CRAT: variants seen among roughly 807,000 people sequenced by gnomAD.
The protein encoded by CRAT is carnitine acetylase.
In CRAT, 66 loss-of-function variants were observed where a neutral mutation model predicts 73.7. The ratio of observed to expected loss-of-function variants is 0.90; its 90% confidence interval spans 0.73 to 1.10. CRAT has a LOEUF of 1.10. Among genes scored for constraint, CRAT ranks in the 50% least tolerant of loss-of-function variants. The pLI is 0.00. For missense variants in CRAT, 745 were observed against 846.9 expected, an observed-to-expected ratio of 0.88 and a Z score of 1.49; for synonymous variants, 321 against 343.2, an observed-to-expected ratio of 0.94 and a Z score of 0.71.
chr9:129,097,866 T>C, intron 11 of CRAT, 147 bp downstream of exon 11: 1 of 1,192,936 alleles, frequency 8.4e-7, no homozygotes, highest in South Asian at 1.5e-5. Context: ...AGCTCAGAGC[T>C]AGATTCACGG....
rs1357605729 is a variant in CRAT, at chr9:129,107,459, G to A, written c.291+355C>T. On this transcript the variant is annotated intron_variant, in intron 2 of 13. Coordinates refer to ENST00000318080, the MANE Select transcript of CRAT (RefSeq NM_000755.5). The surrounding 1 kb of genome is among the most constrained non-coding windows in gnomAD (Gnocchi z 5.0). ...GATCAGATACAGAACCTGGGCGATC[G>A]GTCACTGAGTGACACATATCCCCTG... 16 of 597,804 alleles carry A rather than the reference G, an allele frequency of 2.7e-5. No homozygotes were observed. Among genetic ancestry groups the A allele is most frequent in the South Asian group, 1.2e-4 (6 of 49,974 alleles). The allele number at this position is 597,804 out of a possible 1,614,324, so 37.0% of individuals were successfully genotyped here. A position where few individuals can be genotyped will look rare whatever the true frequency, so the allele number is the denominator to read the frequency against.
intron 1 of CRAT, chr9:129,109,082 G>A: frequency 7.8e-7 from 1 of 1,279,322 alleles, no homozygotes; most frequent in Non-Finnish European, 1.0e-6. Context: ...CTAGTGGGGG[G>A]GCATTCCAGT....
chr9:129,095,079 G>A lies in CRAT; in HGVS notation c.*318C>T, dbSNP rs1170136006. 2.4e-6 allele frequency: 1 copy of A among 409,670 alleles called. No individual in the cohort carries two copies. Among genetic ancestry groups the A allele is most frequent in the Non-Finnish European group, 4.5e-6 (1 of 222,112 alleles). 25.4% of individuals were successfully genotyped at this position (409,670 alleles called of 1,614,324 possible). ...CTGGTGAGACAAAGAGCTCTTGCCAGTCTCCTGCTCTGGAGGGCTGGTTCC... is the reference window on the plus strand; with the variant it reads ...CTGGTGAGACAAAGAGCTCTTGCCAATCTCCTGCTCTGGAGGGCTGGTTCC... On this transcript the variant is annotated 3_prime_UTR_variant, in exon 14 of 14. Transcript: ENST00000318080.
intron 5 of CRAT, 113 bp from the exon 6 acceptor site, chr9:129,102,170 C>T: frequency 7.6e-7 from 1 of 1,320,694 alleles, no homozygotes; most frequent in Non-Finnish European, 1.0e-6. Context: ...GGGATGGAGT[C>T]AGGCCAAGGG....
intron 1 of CRAT, chr9:129,108,866 G>A (rs1011045764): frequency 3.1e-6 from 4 of 1,303,198 alleles, no homozygotes; most frequent in Non-Finnish European, 4.0e-6. Flanking sequence ...TACAAAGTGA[G>A]TGAGCAGAAC....
chr9:129,100,046 CAAGGG>C, intron 7 of CRAT, 80 bp from the exon 8 acceptor site: 1 of 1,100,180 alleles, frequency 9.1e-7, no homozygotes, highest in Non-Finnish European at 1.4e-6. Context: ...TTGGTTGAGG[CAAGGG>C]CCTCTCTGAA....
In CRAT at chr9:129,095,431, G is replaced by T. The variant is rs759666546; in HGVS notation, c.1847C>A (p.Ala616Asp). The change falls in exon 14 of 14, where the codon GCC (alanine) becomes GAC (aspartate). Residue 616 changes from alanine (A) to aspartate (D), a missense_variant. Coordinates refer to ENST00000318080, the MANE Select transcript of CRAT (RefSeq NM_000755.5). ...YLEKALLDMR[A>D]LLQSHPRAKL is the part of the protein sequence containing the mutation. The stretch of plus-strand genomic sequence containing the variant: ...GGCCCGGGGGTGGCTCTGCAGCAGG[G>T]CACGCATGTCCAGGAGCGCCTTCTC... 2 of 1,612,678 alleles carry T rather than the reference G, an allele frequency of 1.2e-6. No individual in the cohort carries two copies. Among genetic ancestry groups the T allele is most frequent in the Non-Finnish European group, 1.7e-6 (2 of 1,179,984 alleles).
rs758641132 is a variant in CRAT, at chr9:129,107,847, C to T, written c.258G>A (p.Gly86=). ...CCGTCTTCCTGGCCCGACGCTCCAG[C>T]CCCTTCTGCAGGCGCTCCCCTACAC... ...SGGVGERLQK[G]LERRARKTEN... is the part of the protein sequence containing the mutation. Residue 86 remains glycine, a synonymous_variant, in exon 2 of 14, where the codon GGG becomes GGA. Coordinates refer to ENST00000318080, the MANE Select transcript of CRAT (RefSeq NM_000755.5). The surrounding 1 kb of genome is among the most constrained non-coding windows in gnomAD (Gnocchi z 5.0). The T allele has an allele frequency of 1.2e-6, 2 of 1,612,800 alleles. No individual in the cohort carries two copies. Among genetic ancestry groups the T allele is most frequent in the African/African-American group, 1.3e-5 (1 of 74,924 alleles).
intron 13 of CRAT, 126 bp downstream of exon 13, chr9:129,095,872 G>A (rs1402957818): frequency 7.3e-7 from 1 of 1,367,606 alleles, no homozygotes; most frequent in East Asian, 2.3e-5. Flanking sequence ...AGAGGCCCCT[G>A]CCCCCAGCTC....
chr9:129,096,342 A>G (rs1287108486), intron 12 of CRAT, among the ~76,000 whole-genome samples: 5 of 152,252 alleles, frequency 3.3e-5, no homozygotes, highest in Admixed American at 2.6e-4. Context: ...GGGAGGCAGG[A>G]AAGTGCAGGG....
chr9:129,106,285 G>T lies in CRAT; in HGVS notation c.291+1529C>A, dbSNP rs991748257. Reference sequence around the variant, plus strand: ...CCTTGAGAGCTGCTGTGTGGCTCTGGGCTTTTGGGCCACCTCTCTGGGCCT... The same window carrying T: ...CCTTGAGAGCTGCTGTGTGGCTCTGTGCTTTTGGGCCACCTCTCTGGGCCT... On this transcript the variant is annotated intron_variant, in intron 2 of 13. Transcript: ENST00000318080. This position sits in a 1 kb window ranked among gnomAD's most constrained non-coding sequence, Gnocchi z 4.0. Among the ~76,000 whole-genome samples the T allele has an allele frequency of 6.6e-6, 1 of 152,156 alleles. No individual in the cohort carries two copies. The highest frequency in any genetic ancestry group is 2.4e-5 in the African/African-American group (1 of 41,432).
Position 129,110,428 on chromosome 9 carries a change from G to A in CRAT, c.27+55C>T, listed in dbSNP as rs550075583. 958 of 1,505,270 alleles carry A rather than the reference G, an allele frequency of 6.4e-4. 9 individuals carry two copies. The African/African-American group carries it at 0.012, about 19-fold the overall frequency. 93.2% of individuals were successfully genotyped at this position (1,505,270 alleles called of 1,614,324 possible). On this transcript the variant is annotated intron_variant, in intron 1 of 13. Coordinates refer to ENST00000318080, the MANE Select transcript of CRAT (RefSeq NM_000755.5). This position sits in a 1 kb window ranked among gnomAD's most constrained non-coding sequence, Gnocchi z 5.3. ...GCGGTCTCCGTTCCCGGACGCAACC[G>A]CACGGCCCGCCCAGGCCGTCCAGGG...
At chr9:129,102,133 T>A in intron 5 of CRAT, 76 bp from the exon 6 acceptor site, 1 of 1,490,160 alleles carries the variant, frequency 6.7e-7, no homozygotes, top group South Asian at 1.3e-5. Flanking sequence ...TCCCCACACC[T>A]GCCTCCTCCT....
At position 129,098,634 on chromosome 9, in the gene CRAT, C is replaced by T. The variant is rs1847447373; in HGVS notation, c.1102G>A (p.Val368Met). Reference protein sequence around the residue: ...VIEYTKKPELVRSPLVPLPMP... With the variant: ...VIEYTKKPELMRSPLVPLPMP... ...GGCAGGGGCACCAGGGGAGACCGCA[C>T]AAGCTCGGGTTTCTTCCTGCACAGT... The change falls in exon 9 of 14, where the codon GTG becomes ATG. Residue 368 changes from valine to methionine, a missense_variant. Physicochemically the swap from Val to Met is conservative, Grantham distance 21. Coordinates refer to ENST00000318080, the MANE Select transcript of CRAT (RefSeq NM_000755.5). 6 of 1,602,886 alleles carry T rather than the reference C, an allele frequency of 3.7e-6. No individual in the cohort carries two copies. In the East Asian group the frequency reaches 8.9e-5, roughly 24 times the overall value.
Position 129,107,852 on chromosome 9 carries a change from T to A in CRAT, c.253A>T (p.Lys85Ter). The A allele has an allele frequency of 6.2e-7, 1 of 1,612,778 alleles. No individual in the cohort carries two copies. The highest frequency in any genetic ancestry group is 8.5e-7 in the Non-Finnish European group (1 of 1,180,004). ...TTCCTGGCCCGACGCTCCAGCCCCTTCTGCAGGCGCTCCCCTACACCTCCT... is the reference window on the plus strand; with the variant it reads ...TTCCTGGCCCGACGCTCCAGCCCCTACTGCAGGCGCTCCCCTACACCTCCT... ...ASGGVGERLQ[K>*]GLERRARKTE... Residue 85 changes from lysine (K) to a stop codon, truncating the protein, a stop_gained, in exon 2 of 14, where the codon AAG becomes TAG. Coordinates refer to ENST00000318080, the MANE Select transcript of CRAT (RefSeq NM_000755.5). LOFTEE classifies it high-confidence loss of function. This position sits in a 1 kb window ranked among gnomAD's most constrained non-coding sequence, Gnocchi z 5.0.
At position 129,101,795 on chromosome 9, in the gene CRAT, T is replaced by C. The variant is rs17508619; in HGVS notation, c.805+88A>G. On this transcript the variant is annotated intron_variant, in intron 6 of 13. Coordinates refer to ENST00000318080, the MANE Select transcript of CRAT (RefSeq NM_000755.5). ...CTCATTCCTTTGTTGCCAGCAGACT[T>C]CGGGTACCCTACAGGTGGAGTTGAG... 8.6e-3 allele frequency: 12,493 copies of C among 1,451,932 alleles called. 798 individuals are homozygous for C. In the African/African-American group the frequency reaches 0.15, roughly 17 times the overall value. The allele number at this position is 1,451,932 out of a possible 1,614,324, so 89.9% of individuals were successfully genotyped here. A position where few individuals can be genotyped will look rare whatever the true frequency, so the allele number is the denominator to read the frequency against.
At chr9:129,100,034 C>T in intron 7 of CRAT, 68 bp from the exon 8 acceptor site, 2 of 1,324,800 alleles carry the variant, frequency 1.5e-6, no homozygotes, top group East Asian at 2.3e-5. Flanking sequence ...CCCAACCACT[C>T]TTTGGTTGAG....
rs1484919693 is a variant in CRAT at position 129,098,012 on chromosome 9, C to T, written c.1464+1G>A. 2.5e-6 allele frequency: 4 copies of T among 1,613,214 alleles called. No individual in the cohort carries two copies. The highest frequency in any genetic ancestry group is 3.4e-6 in the Non-Finnish European group (4 of 1,179,820). ...ACCCACCCTCGCCCCAGACCTCTCACCGTGACGCTGGAGTCATCCATGGCC... is the reference window on the plus strand; with the variant it reads ...ACCCACCCTCGCCCCAGACCTCTCATCGTGACGCTGGAGTCATCCATGGCC... On this transcript the variant is annotated splice_donor_variant, in intron 11 of 13. Transcript: ENST00000318080. LOFTEE classifies it high-confidence loss of function.
In CRAT at chr9:129,103,841, C is replaced by T. The variant is rs890003592; in HGVS notation, c.410+347G>A. ...AGAGGACTGTGTACAGAGGTCACCC[C>T]TGTGGCTAGCTGAGAAGAGTGGAAA... On this transcript the variant is annotated intron_variant, in intron 3 of 13. Transcript: ENST00000318080. This position sits in a 1 kb window ranked among gnomAD's most constrained non-coding sequence, Gnocchi z 4.6. Among the ~76,000 whole-genome samples, 3 of 152,126 alleles carry T rather than the reference C, an allele frequency of 2.0e-5. No individual in the cohort carries two copies. The highest frequency in any genetic ancestry group is 4.4e-5 in the Non-Finnish European group (3 of 68,026).
Sources: gnomAD v4.1 joint callset for allele counts (sites outside exome capture counted in the v4.1 genomes callset) on GRCh38, gnomAD v4.1.1 for gene constraint, Gnocchi (gnomAD v3.1) non-coding constraint, MANE v1.5 for transcripts, NCBI Gene and HGNC (gene_info 2026-07-23, HGNC 2026-07-21) for gene names.